The following SCARB2 variants were observed in gnomAD, a reference collection of about 807,000 sequenced individuals.
The protein encoded by SCARB2 is scavenger receptor class B member 2.
Under a neutral mutation model 58.6 loss-of-function variants are expected in SCARB2, and 29 were observed. The observed-to-expected ratio is 0.49, with a 90% CI of 0.37 to 0.67. The LOEUF is 0.67. SCARB2 is among the 30% of genes least tolerant of loss of function. The pLI, the probability that SCARB2 is intolerant of heterozygous loss-of-function variation, is 0.00. For missense variants in SCARB2, 488 were observed against 578.5 expected (o/e 0.84, Z 1.60); for synonymous variants, 195 against 210.1 (o/e 0.93, Z 0.62).
chr4:76,218,855 T>C (rs1240441908), intron 1 of SCARB2, among the ~76,000 whole-genome samples: 1 of 152,154 alleles, frequency 6.6e-6, no homozygotes, highest in South Asian at 2.1e-4. Context: ...ATGTCAGCAA[T>C]ATTATCTGCT....
At chr4:76,205,543 T>C (rs989041475) in intron 1 of SCARB2, among the ~76,000 whole-genome samples, 2 of 152,224 alleles carry the variant, frequency 1.3e-5, no homozygotes, top group Admixed American at 1.3e-4. Flanking sequence ...CCTAAATATG[T>C]ACAATTTTGA....
chr4:76,168,466 A>T lies in SCARB2; in HGVS notation c.1124T>A (p.Ile375Lys). 6.2e-7 allele frequency: 1 copy of T among 1,613,952 alleles called. No homozygotes were observed. The change falls in exon 9 of 12, where the codon ATA (isoleucine) becomes AAA (lysine). Residue 375 changes from isoleucine (I) to lysine (K), a missense_variant. By Grantham distance (102) the Ile-to-Lys change is moderately radical. Coordinates refer to ENST00000264896, the MANE Select transcript of SCARB2 (RefSeq NM_005506.4). ...TFVDINPLTG[I>K]ILKAAKRFQI... ...GAACCTCTTGGCTGCTTTTAGGATTATTCCAGTCAACTGCAAATCAGAGAA... is the reference window on the plus strand; with the variant it reads ...GAACCTCTTGGCTGCTTTTAGGATTTTTCCAGTCAACTGCAAATCAGAGAA...
In SCARB2 at chr4:76,173,313, C is replaced by T. The variant is rs1269656057; in HGVS notation, c.994+831G>A. The T allele has an allele frequency of 1.5e-4, 20 of 131,672 alleles. No homozygotes were observed. In the Admixed American group the frequency reaches 1.8e-3, roughly 12 times the overall value. 8.2% of individuals were successfully genotyped at this position (131,672 alleles called of 1,614,324 possible). ...CGTACTTTCTTAAAACTGAGTTGTCCACTTTTTCTTTTAGCTTTTTTTTTT... is the reference window on the plus strand; with the variant it reads ...CGTACTTTCTTAAAACTGAGTTGTCTACTTTTTCTTTTAGCTTTTTTTTTT... On this transcript the variant is annotated intron_variant, in intron 7 of 11. Transcript: ENST00000264896.
chr4:76,174,403 A>G (rs1732202449), intron 6 of SCARB2, 90 bp from the exon 7 acceptor site: 3 of 1,160,722 alleles, frequency 2.6e-6, no homozygotes, highest in Non-Finnish European at 2.6e-6. Context: ...TCTCAGGTAC[A>G]ACATGGCCAA....
At chr4:76,180,857 A>G (rs1732368174) in intron 3 of SCARB2, 97 bp downstream of exon 3, 1 of 1,055,210 alleles carries the variant, frequency 9.5e-7, no homozygotes, top group Non-Finnish European at 1.4e-6. Context: ...TTTCAACATA[A>G]CTTAATGGCT....
rs755013803 is a variant in SCARB2, at chr4:76,175,773, T to C, written c.824+18A>G. The C allele has an allele frequency of 1.4e-5, 23 of 1,613,632 alleles. No homozygotes were observed. The highest frequency in any genetic ancestry group is 1.9e-5 in the Non-Finnish European group (22 of 1,179,932). On this transcript the variant is annotated intron_variant, in intron 6 of 11. Coordinates refer to ENST00000264896, the MANE Select transcript of SCARB2 (RefSeq NM_005506.4). ...AAGACCTTATTTTTGAAAAAGAACT[T>C]ATCTTTAAAGCTTTTACCTGCAAAA... is the stretch of plus-strand genomic sequence containing the variant.
intron 6 of SCARB2, 142 bp downstream of exon 6, chr4:76,175,649 C>T (rs1578720562): frequency 1.4e-5 from 14 of 979,276 alleles, no homozygotes; most frequent in South Asian, 1.0e-4. Flanking sequence ...TATACTGTCT[C>T]GATGTGCCAT....
chr4:76,206,461 T>A (rs1732933344), intron 1 of SCARB2, among the ~76,000 whole-genome samples: 1 of 151,938 alleles, frequency 6.6e-6, no homozygotes, highest in African/African-American at 2.4e-5. Flanking sequence ...TTTCCAGATT[T>A]TAAAGGTATA....
At chr4:76,193,294 C>G (rs1181020986) in intron 2 of SCARB2, 2 of 152,332 alleles carry the variant, frequency 1.3e-5, no homozygotes, top group East Asian at 3.8e-4. Context: ...GCCTAAGTGC[C>G]CCAGCAGAAG....
Position 76,168,495 on chromosome 4 carries a change from A to C in SCARB2, c.1114-19T>G. ...CAGTCAACTGCAAATCAGAGAAGTG[A>C]AAAGGAAACATTAGGATTTATTAAA... On this transcript the variant is annotated intron_variant, in intron 8 of 11. Coordinates refer to ENST00000264896, the MANE Select transcript of SCARB2 (RefSeq NM_005506.4). 9 of 1,606,552 alleles carry C rather than the reference A, an allele frequency of 5.6e-6. No homozygotes were observed. The highest frequency in any genetic ancestry group is 6.8e-6 in the Non-Finnish European group (8 of 1,173,688).
At chr4:76,219,967 T>C (rs1165088797) in intron 1 of SCARB2, among the ~76,000 whole-genome samples, 1 of 152,204 alleles carries the variant, frequency 6.6e-6, no homozygotes, top group Non-Finnish European at 1.5e-5. Flanking sequence ...TAAATACTGT[T>C]TCTTTTTAGT....
chr4:76,180,683 C>T (rs1192277964), intron 3 of SCARB2: 2 of 213,954 alleles, frequency 9.3e-6, no homozygotes, highest in Non-Finnish European at 1.8e-5. Flanking sequence ...TATTTATTTG[C>T]ACAATTGCTA....
intron 1 of SCARB2, among the ~76,000 whole-genome samples, chr4:76,219,932 T>TAAGCA (rs1733279778): frequency 1.3e-5 from 2 of 152,326 alleles, no homozygotes; most frequent in African/African-American, 4.8e-5. Flanking sequence ...ACAACAGTTG[T>TAAGCA]AAGCATTTCC....
At chr4:76,209,171 G>A (rs902652609) in intron 1 of SCARB2, among the ~76,000 whole-genome samples, 5 of 152,088 alleles carry the variant, frequency 3.3e-5, no homozygotes, top group African/African-American at 1.2e-4. Flanking sequence ...ACTAAGATAA[G>A]TCTTCTTTGA....
At position 76,208,237 on chromosome 4, in the gene SCARB2, T is replaced by C. The variant is rs528929710; in HGVS notation, c.117+5190A>G. ...CTGTTAGCCTACTATATTGTCTTAATCATTAATAAGGAATGCACTCATAGT... is the reference window on the plus strand; with the variant it reads ...CTGTTAGCCTACTATATTGTCTTAACCATTAATAAGGAATGCACTCATAGT... On this transcript the variant is annotated intron_variant, in intron 1 of 11. Transcript: ENST00000264896. 1.9e-3 allele frequency among the ~76,000 whole-genome samples: 288 copies of C among 152,320 alleles called. 1 individual carries two copies. The highest frequency in any genetic ancestry group is 6.5e-3 in the African/African-American group (270 of 41,556).
At chr4:76,205,495 CTATATGTA>C (rs1250236360) in intron 1 of SCARB2, among the ~76,000 whole-genome samples, 1 of 152,128 alleles carries the variant, frequency 6.6e-6, no homozygotes, top group East Asian at 1.9e-4. Flanking sequence ...CTATGTATAT[CTATATGTA>C]TATCTCTCTC....
upstream of SCARB2, chr4:76,217,774 C>A: frequency 2.4e-6 from 1 of 417,984 alleles, no homozygotes; most frequent in Non-Finnish European, 4.3e-6. Context: ...CTCTCTATAC[C>A]TAAAATCAGA....
intron 1 of SCARB2, among the ~76,000 whole-genome samples, chr4:76,203,968 A>G (rs1732879447): frequency 6.6e-6 from 1 of 152,266 alleles, no homozygotes; most frequent in South Asian, 2.1e-4. Context: ...CTTTAAGGTC[A>G]GTAAAGTGCT....
intron 1 of SCARB2, among the ~76,000 whole-genome samples, chr4:76,207,942 T>A (rs892910867): frequency 6.6e-6 from 1 of 152,208 alleles, no homozygotes; most frequent in Non-Finnish European, 1.5e-5. Flanking sequence ...ATCTCCTCAG[T>A]CAGAATTACC....
Sources: allele counts gnomAD v4.1 joint callset (sites outside exome capture counted in the v4.1 genomes callset), GRCh38; gene constraint gnomAD v4.1.1; transcripts MANE v1.5; gene names NCBI Gene and HGNC (gene_info 2026-07-23, HGNC 2026-07-21).